Variants in CENPP observed in about 807,000 individuals in gnomAD.
CENPP encodes the protein centromere protein P.
In CENPP, 24 loss-of-function variants were observed where a neutral mutation model predicts 35.6. The observed-to-expected ratio is 0.67, with a 90% confidence interval of 0.49 to 0.95. CENPP has a LOEUF of 0.95. Ranked by LOEUF, CENPP falls within the 40% of genes least tolerant of loss-of-function variation. The probability of loss-of-function intolerance (pLI) is 0.00; values close to 1 mark genes in which losing one functional copy is unlikely to be tolerated. For missense variants in CENPP, 332 were observed against 345.3 expected, an observed-to-expected ratio of 0.96 and a Z score of 0.31; for synonymous variants, 120 against 125.5, an observed-to-expected ratio of 0.96 and a Z score of 0.29.
chr9:92,526,965 A>G (rs1259546221), intron 5 of CENPP, among the ~76,000 whole-genome samples: 2 of 152,078 alleles, frequency 1.3e-5, no homozygotes, highest in African/African-American at 2.4e-5. Context: ...ATTTTAGACC[A>G]TATTCTTACC....
chr9:92,340,301 C>A (rs911382771), intron 3 of CENPP: 3 of 152,192 alleles, frequency 2.0e-5, no homozygotes, highest in African/African-American at 7.2e-5. Context: ...GTTATACCTT[C>A]CAGGATGGGT....
At chr9:92,396,320 A>G (rs1842887813) in intron 5 of CENPP, among the ~76,000 whole-genome samples, 1 of 151,962 alleles carries the variant, frequency 6.6e-6, no homozygotes, top group African/African-American at 2.4e-5. Flanking sequence ...CAATGTTGTT[A>G]GACTATTCTA....
chr9:92,464,727 T>G (rs1372417868), intron 5 of CENPP: 2 of 690,024 alleles, frequency 2.9e-6, no homozygotes, highest in Non-Finnish European at 5.3e-6. Context: ...TAAAAAAAAT[T>G]GTGGCTTAAT....
intron 1 of CENPP, 43 bp from the exon 2 acceptor site, chr9:92,332,127 G>T: frequency 7.4e-7 from 1 of 1,347,530 alleles, no homozygotes; most frequent in Non-Finnish European, 1.0e-6. Flanking sequence ...GATGAAACAC[G>T]TGTTAGTAAT....
intron 5 of CENPP, chr9:92,386,158 C>T: frequency 7.0e-7 from 1 of 1,431,072 alleles, no homozygotes; most frequent in Non-Finnish European, 9.9e-7. Context: ...GATTTTGACT[C>T]ATAGGTAATT....
At chr9:92,335,130 G>A (rs1476456608) in intron 2 of CENPP, among the ~76,000 whole-genome samples, 2 of 152,006 alleles carry the variant, frequency 1.3e-5, no homozygotes, top group Non-Finnish European at 2.9e-5. Flanking sequence ...CTCCAGCCTG[G>A]GCGACAGAAC....
At chr9:92,330,982 G>A (rs111997090) in intron 1 of CENPP, among the ~76,000 whole-genome samples, 2,753 of 151,996 alleles carry the variant, frequency 0.018, 93 homozygotes, top group African/African-American at 0.063. Context: ...GAGCCACTGC[G>A]CCAGGCCAAC....
chr9:92,532,015 G>GTTTTTTTTTTTTTTTTTTTTTTGTTT (rs71362397), intron 5 of CENPP, among the ~76,000 whole-genome samples: 1 of 95,736 alleles, frequency 1.0e-5, no homozygotes, highest in Non-Finnish European at 1.9e-5. Flanking sequence ...TTTATTTAAT[G>GTTTTTTTTTTTTTTTTTTTTTTGTTT]TTTTTTTTTT....
intron 5 of CENPP, among the ~76,000 whole-genome samples, chr9:92,487,888 A>G (rs1052917722): frequency 1.3e-5 from 2 of 152,238 alleles, no homozygotes; most frequent in African/African-American, 4.8e-5. Flanking sequence ...CGATAGCAAG[A>G]AACTGTACTT....
At chr9:92,459,519 A>G in intron 5 of CENPP, 8 of 1,004,250 alleles carry the variant, frequency 8.0e-6, no homozygotes, top group Non-Finnish European at 1.2e-5. Flanking sequence ...GAGAGTCATT[A>G]TGTTTGAATC....
At position 92,539,691 on chromosome 9, in the gene CENPP, G is replaced by C. The variant is rs1195510222; in HGVS notation, c.565-71623G>C. Among the ~76,000 whole-genome samples, 14 of 152,144 alleles carry C rather than the reference G, an allele frequency of 9.2e-5. No individual in the cohort carries two copies. In the East Asian group the frequency reaches 2.7e-3, roughly 29 times the overall value. ...GAGGAGTAGTATGGACTTTGTTCTA[G>C]GACTGACCTCTTGGCCCATAGTTCA... On this transcript the variant is annotated intron_variant, in intron 5 of 7. Transcript: ENST00000375587.
intron 5 of CENPP, among the ~76,000 whole-genome samples, chr9:92,539,789 A>G (rs772795381): frequency 1.3e-5 from 2 of 152,198 alleles, no homozygotes; most frequent in African/African-American, 4.8e-5. Context: ...TCCCAATGGA[A>G]TATTACATTT....
At chr9:92,579,392 A>G (rs1410799765) in intron 5 of CENPP, among the ~76,000 whole-genome samples, 1 of 147,810 alleles carries the variant, frequency 6.8e-6, no homozygotes, top group Non-Finnish European at 1.5e-5. Flanking sequence ...TACCTTGGGC[A>G]GTATGGCCAT....
chr9:92,379,730 A>G (rs41278665), intron 4 of CENPP, 33 bp from the exon 5 acceptor site: 94,393 of 1,448,846 alleles, frequency 0.065, 3,829 homozygotes, highest in Admixed American at 0.14. Context: ...ATTTAATGAT[A>G]TTTATTAATC....
intron 5 of CENPP, among the ~76,000 whole-genome samples, chr9:92,547,627 A>G (rs1414320525): frequency 6.6e-6 from 1 of 152,254 alleles, no homozygotes; most frequent in Non-Finnish European, 1.5e-5. Flanking sequence ...CCATTGAGAA[A>G]GTACATTAGT....
At chr9:92,545,307 C>G (rs1849409354) in intron 5 of CENPP, among the ~76,000 whole-genome samples, 1 of 152,126 alleles carries the variant, frequency 6.6e-6, no homozygotes, top group African/African-American at 2.4e-5. Flanking sequence ...CTGCGTGTGG[C>G]ACTTGCAGGC....
chr9:92,598,088 T>G (rs1250869457), intron 5 of CENPP, among the ~76,000 whole-genome samples: 1 of 152,240 alleles, frequency 6.6e-6, no homozygotes, highest in East Asian at 1.9e-4. Context: ...TGGCCAAACG[T>G]TCACATCATG....
At chr9:92,594,486 A>C (rs1484681706) in intron 5 of CENPP, among the ~76,000 whole-genome samples, 5 of 152,202 alleles carry the variant, frequency 3.3e-5, no homozygotes, top group Non-Finnish European at 7.3e-5. Flanking sequence ...TGAGGTGTTA[A>C]AAGATCTTTC....
At chr9:92,385,592 T>A in intron 5 of CENPP, 1 of 1,599,752 alleles carries the variant, frequency 6.3e-7, no homozygotes, top group Non-Finnish European at 8.6e-7. Context: ...GTAGGTGTAC[T>A]TTCATTTATA....
Sources: allele counts gnomAD v4.1 joint callset (sites outside exome capture counted in the v4.1 genomes callset), GRCh38; gene constraint gnomAD v4.1.1; transcripts MANE v1.5; gene names NCBI Gene and HGNC (gene_info 2026-07-23, HGNC 2026-07-21).